The following SPACA7 variants were observed in gnomAD, a reference collection of about 807,000 sequenced individuals.
SPACA7 encodes the protein sperm acrosome-associated protein 7.
In SPACA7, 19 loss-of-function variants were observed where a neutral mutation model predicts 26.3. That is an observed-to-expected ratio of 0.72 (90% CI 0.50 to 1.06). SPACA7 has a LOEUF of 1.06. Ranked by LOEUF, SPACA7 falls within the 50% of genes least tolerant of loss-of-function variation. The pLI is 0.00. For missense variants in SPACA7, 211 were observed against 229.9 expected (o/e 0.92, Z 0.53); for synonymous variants, 84 against 84.5 (o/e 0.99, Z 0.04).
chr13:112,409,602 A>G (rs9604318), intron 5 of SPACA7, among the ~76,000 whole-genome samples: 102,280 of 152,006 alleles, frequency 0.67, 34,926 homozygotes, highest in African/African-American at 0.79. Context: ...GCAGCCAACA[A>G]AAACATGAAA....
At chr13:112,383,189 GAAAGA>G in intron 1 of SPACA7, among the ~76,000 whole-genome samples, 1 of 132,996 alleles carries the variant, frequency 7.5e-6, no homozygotes, top group South Asian at 2.3e-4. Flanking sequence ...AAGAAAGAAA[GAAAGA>G]AAAGAAAGAA....
chr13:112,381,315 C>A (rs1277902365), intron 1 of SPACA7, among the ~76,000 whole-genome samples: 1 of 151,916 alleles, frequency 6.6e-6, no homozygotes, highest in Non-Finnish European at 1.5e-5. Context: ...TATGGTGAAA[C>A]CCCATCTCTA....
In SPACA7 at chr13:112,393,020, G is replaced by C. The variant is rs754429902; in HGVS notation, c.95-1G>C. On this transcript the variant is annotated splice_acceptor_variant, in intron 1 of 6. Coordinates refer to ENST00000283550, the MANE Select transcript of SPACA7 (RefSeq NM_145248.5). LOFTEE classifies it high-confidence loss of function. ...ACTGTAGGGTTTTTATTTCCTTCTA[G>C]GTTCACCTACTGAAATACCATTCAG... 19 of 1,609,978 alleles carry C rather than the reference G, an allele frequency of 1.2e-5. No homozygotes were observed. Among genetic ancestry groups the C allele is most frequent in the East Asian group, 2.2e-5 (1 of 44,850 alleles).
At position 112,384,671 on chromosome 13, in the gene SPACA7, T is replaced by A. The variant is rs150945118; in HGVS notation, c.94+8192T>A. ...CATTTATTTAGCCAAAATGATAACT[T>A]CAAAATCTTAAAAGAAAAACCTTTA... On this transcript the variant is annotated intron_variant, in intron 1 of 6. Transcript: ENST00000283550. Among the ~76,000 whole-genome samples the A allele has an allele frequency of 1.3e-3, 201 of 152,226 alleles. 1 individual carries two copies. The highest frequency in any genetic ancestry group is 4.5e-3 in the African/African-American group (186 of 41,538).
chr13:112,433,857 GTGCCAC>G lies in SPACA7; in HGVS notation c.524-625_524-620del, dbSNP rs571457108. ...CAAGCTACGGCCAATATCCCAGATTGTGCCACTGTCCAGGACAACCTCTGCTGCTTT... is the reference window on the plus strand; with the variant it reads ...CAAGCTACGGCCAATATCCCAGATTGTGTCCAGGACAACCTCTGCTGCTTT... On this transcript the variant is annotated intron_variant, in intron 6 of 6. Transcript: ENST00000283550. Among the ~76,000 whole-genome samples, 510 of 152,262 alleles carry G rather than the reference GTGCCAC, an allele frequency of 3.3e-3. 9 individuals carry two copies. The highest frequency in any genetic ancestry group is 0.028 in the East Asian group (147 of 5,180).
intron 5 of SPACA7, among the ~76,000 whole-genome samples, chr13:112,411,658 T>G (rs1352945609): frequency 6.6e-6 from 1 of 152,174 alleles, no homozygotes; most frequent in Non-Finnish European, 1.5e-5. Flanking sequence ...GAGATCATTT[T>G]TTTTAGCTCC....
At chr13:112,391,963 G>T (rs549701088) in intron 1 of SPACA7, among the ~76,000 whole-genome samples, 2 of 152,140 alleles carry the variant, frequency 1.3e-5, no homozygotes, top group Non-Finnish European at 2.9e-5. Context: ...CAGACGAGTC[G>T]ATTGGTATGC....
chr13:112,390,537 A>T (rs997307633), intron 1 of SPACA7, among the ~76,000 whole-genome samples: 1 of 152,180 alleles, frequency 6.6e-6, no homozygotes, highest in African/African-American at 2.4e-5. Context: ...GAGACTGGGT[A>T]ATTTATGAAG....
rs1012225864 is a variant in SPACA7, at chr13:112,382,013, C to T, written c.94+5534C>T. On this transcript the variant is annotated intron_variant, in intron 1 of 6. Coordinates refer to ENST00000283550, the MANE Select transcript of SPACA7 (RefSeq NM_145248.5). ...TTAGCCCTACAAAAGCAATCTAGAC[C>T]CCAGGCAAGAAGGAGGACTGCTTTG... Among the ~76,000 whole-genome samples, 71 of 152,094 alleles carry T rather than the reference C, an allele frequency of 4.7e-4. 1 individual carries two copies. The highest frequency in any genetic ancestry group is 1.3e-4 in the Non-Finnish European group (9 of 68,020).
chr13:112,395,303 G>C lies in SPACA7; in HGVS notation c.151+2226G>C, dbSNP rs542038155. ...GGAAGCGAGGACAAAAGCCAGAGGA[G>C]CTGTCGATGATGGATGCATTCCTGG... On this transcript the variant is annotated intron_variant, in intron 2 of 6. Transcript: ENST00000283550. 3.9e-5 allele frequency among the ~76,000 whole-genome samples: 6 copies of C among 152,346 alleles called. No homozygotes were observed. In the South Asian group the frequency reaches 1.2e-3, roughly 32 times the overall value.
intron 5 of SPACA7, among the ~76,000 whole-genome samples, chr13:112,421,222 A>G (rs1378019006): frequency 1.4e-5 from 2 of 138,662 alleles, no homozygotes; most frequent in Non-Finnish European, 3.1e-5. Context: ...AGAAAGAAAC[A>G]TGCAAAAAAA....
chr13:112,408,444 T>A (rs923392002), intron 5 of SPACA7, among the ~76,000 whole-genome samples: 1 of 152,100 alleles, frequency 6.6e-6, no homozygotes, highest in African/African-American at 2.4e-5. Flanking sequence ...TGTTTGCAGA[T>A]GACATGATTG....
chr13:112,399,966 C>T (rs2138954773), intron 4 of SPACA7, among the ~76,000 whole-genome samples: 1 of 152,302 alleles, frequency 6.6e-6, no homozygotes, highest in East Asian at 1.9e-4. Context: ...TGAGAACTCA[C>T]TATCATGAGA....
intron 1 of SPACA7, among the ~76,000 whole-genome samples, chr13:112,385,499 G>A (rs1884466767): frequency 6.6e-6 from 1 of 152,138 alleles, no homozygotes; most frequent in South Asian, 2.1e-4. Context: ...ATGAAGATAA[G>A]GTCTGACTCT....
chr13:112,415,659 G>A (rs563610893), intron 5 of SPACA7, among the ~76,000 whole-genome samples: 1 of 152,194 alleles, frequency 6.6e-6, no homozygotes, highest in Admixed American at 6.5e-5. Flanking sequence ...CACTTCTATG[G>A]CCCCTGCATC....
intron 5 of SPACA7, among the ~76,000 whole-genome samples, chr13:112,422,480 G>A (rs1436997704): frequency 6.6e-6 from 1 of 152,182 alleles, no homozygotes; most frequent in Non-Finnish European, 1.5e-5. Flanking sequence ...CCCAGCAACA[G>A]AAGAATGCAT....
chr13:112,417,798 C>T (rs2139032380), intron 5 of SPACA7, among the ~76,000 whole-genome samples: 1 of 152,260 alleles, frequency 6.6e-6, no homozygotes, highest in Middle Eastern at 3.4e-3. Context: ...ACTGTTTTAT[C>T]TCAACCTGCC....
intron 5 of SPACA7, among the ~76,000 whole-genome samples, chr13:112,425,347 A>G (rs1876433277): frequency 6.6e-6 from 1 of 152,222 alleles, no homozygotes; most frequent in Non-Finnish European, 1.5e-5. Context: ...TGAAACAGAA[A>G]AGATGGACCA....
At chr13:112,424,320 T>G (rs1876312665) in intron 5 of SPACA7, among the ~76,000 whole-genome samples, 1 of 152,178 alleles carries the variant, frequency 6.6e-6, no homozygotes, top group Non-Finnish European at 1.5e-5. Flanking sequence ...TTTAGCCTTC[T>G]CATCACACTG....
Sources: allele counts gnomAD v4.1 joint callset (sites outside exome capture counted in the v4.1 genomes callset), GRCh38; gene constraint gnomAD v4.1.1; transcripts MANE v1.5; gene names NCBI Gene and HGNC (gene_info 2026-07-23, HGNC 2026-07-21).